Variants in RIF1 observed in about 807,000 individuals in gnomAD.
RIF1 encodes the protein telomere-associated protein RIF1.
RIF1 carries 45 observed loss-of-function variants against 247.1 expected under a neutral mutation model. The ratio of observed to expected loss-of-function variants is 0.18; its 90% CI spans 0.14 to 0.23. RIF1 has a LOEUF of 0.23. Among genes scored for constraint, RIF1 ranks in the 10% least tolerant of loss-of-function variants. The probability of loss-of-function intolerance (pLI) is 1.00; values close to 1 mark genes in which losing one functional copy is unlikely to be tolerated. For missense variants in RIF1, 2,967 were observed against 2,862.5 expected (o/e 1.04, Z -0.83); for synonymous variants, 1,087 against 978.8 (o/e 1.11, Z -2.06).
intron 9 of RIF1, chr2:151,489,893 A>G (rs1299841952): frequency 7.2e-6 from 8 of 1,110,744 alleles, no homozygotes; most frequent in Non-Finnish European, 1.1e-5. Flanking sequence ...AAAAACCGTA[A>G]TACCTAATAC....
Position 151,461,308 on chromosome 2 carries a change from T to A in RIF1, c.3227+19T>A. On this transcript the variant is annotated intron_variant, in intron 27 of 35. Coordinates refer to ENST00000444746, the MANE Select transcript of RIF1 (RefSeq NM_018151.5). ...CAAAGCGGTTTGTAGGCCTTTTATC[T>A]TGAGTTGGGTATTTGGTATTCAGGC... The A allele has an allele frequency of 6.2e-7, 1 of 1,607,710 alleles. No homozygotes were observed. The highest frequency in any genetic ancestry group is 1.7e-5 in the Admixed American group (1 of 59,196).
chr2:151,436,725 A>C, intron 11 of RIF1, 102 bp from the exon 12 acceptor site: 1 of 854,254 alleles, frequency 1.2e-6, no homozygotes, highest in Admixed American at 3.2e-5. Flanking sequence ...GAGACATTTA[A>C]ACTCTGTTTT....
chr2:151,529,146 G>A, the RIF1 span: 2 of 1,056,260 alleles, frequency 1.9e-6, no homozygotes, highest in Admixed American at 1.8e-5. Flanking sequence ...TGTAAAAAGA[G>A]GCCATGTGTC....
chr2:151,498,071 TG>T (rs2061513597), intron 10 of RIF1: 138 of 1,459,732 alleles, frequency 9.5e-5, no homozygotes, highest in Non-Finnish European at 1.2e-4. Context: ...CATGTTTGTT[TG>T]TAAATATCAG....
chr2:151,509,039 C>T (rs1437666052), downstream of RIF1, among the ~76,000 whole-genome samples: 2 of 152,132 alleles, frequency 1.3e-5, no homozygotes, highest in Non-Finnish European at 2.9e-5. Context: ...GGGCTGAGGG[C>T]TGAGGAATGA....
At chr2:151,417,965 CAT>C (rs1238675371) in intron 6 of RIF1, among the ~76,000 whole-genome samples, 10 of 152,004 alleles carry the variant, frequency 6.6e-5, no homozygotes, top group African/African-American at 2.2e-4. Context: ...TGTACCTAAA[CAT>C]AGAAAAGGTA....
the RIF1 span, chr2:151,529,404 T>C: frequency 2.4e-6 from 2 of 838,336 alleles, no homozygotes; most frequent in Non-Finnish European, 4.0e-6. Flanking sequence ...CATGCATGAC[T>C]ATAGTACACA....
chr2:151,418,968 CTTT>C (rs36020810), intron 6 of RIF1, among the ~76,000 whole-genome samples: 1,185 of 111,762 alleles, frequency 0.011, 5 homozygotes, highest in Middle Eastern at 0.025. Flanking sequence ...GCCTTAAATT[CTTT>C]TTTTTTTTTT....
chr2:151,513,687 A>G, the RIF1 span: 3 of 1,593,744 alleles, frequency 1.9e-6, no homozygotes, highest in East Asian at 2.2e-5. Flanking sequence ...TCTCGCTTAT[A>G]TTCTTTCTAT....
rs1056177808 is a variant in RIF1 at position 151,477,756 on chromosome 2, C to CT, written c.*2686dup. 1.2e-4 allele frequency: 18 copies of CT among 151,346 alleles called. No individual in the cohort carries two copies. The highest frequency in any genetic ancestry group is 3.7e-4 in the African/African-American group (15 of 41,074). The allele number at this position is 151,346 out of a possible 1,614,324, so 9.4% of individuals were successfully genotyped here. On this transcript the variant is annotated 3_prime_UTR_variant, in exon 36 of 36. Transcript: ENST00000444746. ...GGAGTTTTCGCCCTTGCTGCCCAGG[C>CT]TGGAGTGCAGTGGTACGATCTCAGC...
chr2:151,446,615 A>G (rs1693313039), intron 20 of RIF1, 40 bp downstream of exon 20: 1 of 1,587,086 alleles, frequency 6.3e-7, no homozygotes, highest in Non-Finnish European at 8.6e-7. Context: ...GTTTGTTTTT[A>G]AAGGATTCTT....
At chr2:151,442,290 T>C (rs1318984330) in intron 16 of RIF1, among the ~76,000 whole-genome samples, 1 of 151,368 alleles carries the variant, frequency 6.6e-6, no homozygotes, top group African/African-American at 2.4e-5. Flanking sequence ...GTCAGGCTGG[T>C]CTTGAACTCC....
At chr2:151,468,296 A>G in intron 31 of RIF1, 150 bp downstream of exon 31, 1 of 904,846 alleles carries the variant, frequency 1.1e-6, no homozygotes, top group Non-Finnish European at 1.7e-6. Flanking sequence ...GCAGAAAGGA[A>G]GAGAAGCAGA....
chr2:151,514,771 G>T, the RIF1 span: 2 of 1,263,784 alleles, frequency 1.6e-6, no homozygotes, highest in Non-Finnish European at 2.2e-6. Flanking sequence ...TGTCACTAGT[G>T]CAATTATTTG....
chr2:151,464,867 T>C lies in RIF1; in HGVS notation c.5347T>C (p.Ser1783Pro). 1.3e-6 allele frequency: 2 copies of C among 1,597,304 alleles called. No homozygotes were observed. The highest frequency in any genetic ancestry group is 1.7e-6 in the Non-Finnish European group (2 of 1,175,632). Residue 1783 changes from serine to proline, a missense_variant, in exon 30 of 36, where the codon TCT (serine) becomes CCT (proline). Around this residue, in one of 7 missense-constraint regions of RIF1, gnomAD observed 2,028 missense variants for 1,825.6 expected, o/e 1.11. Transcript: ENST00000444746. ...AGAAACTTCTCAAGCTAATCCATATTCTGAAGGACAATTTTTAGATGAACA... is the reference window on the plus strand; with the variant it reads ...AGAAACTTCTCAAGCTAATCCATATCCTGAAGGACAATTTTTAGATGAACA... ...PSETSQANPYSEGQFLDEHHS... is the reference protein window; with the variant it reads ...PSETSQANPYPEGQFLDEHHS...
At chr2:151,469,217 G>T (rs950978205) in intron 33 of RIF1, among the ~76,000 whole-genome samples, 1 of 152,074 alleles carries the variant, frequency 6.6e-6, no homozygotes, top group Non-Finnish European at 1.5e-5. Context: ...ACTTAAATGC[G>T]TGCATGTAGA....
At chr2:151,458,379 C>T (rs929046042) in intron 24 of RIF1, among the ~76,000 whole-genome samples, 2 of 151,546 alleles carry the variant, frequency 1.3e-5, no homozygotes, top group East Asian at 1.9e-4. Context: ...ACTGAAGGTG[C>T]GTGCCACCAT....
At chr2:151,498,233 A>ATTTT (rs1052587221) in intron 10 of RIF1, 1 of 1,550,762 alleles carries the variant, frequency 6.4e-7, no homozygotes, top group Non-Finnish European at 8.7e-7. Flanking sequence ...GTTAAGTGGC[A>ATTTT]TTTTTTCCCC....
intron 34 of RIF1, among the ~76,000 whole-genome samples, chr2:151,470,999 A>T (rs1230622818): frequency 2.0e-5 from 3 of 152,116 alleles, no homozygotes; most frequent in Admixed American, 6.6e-5. Context: ...GAGTTAAATA[A>T]TATTCCCCAT....
Sources: allele counts gnomAD v4.1 joint callset (sites outside exome capture counted in the v4.1 genomes callset), GRCh38; gene constraint gnomAD v4.1.1; regional missense constraint gnomAD v4.1.1; transcripts MANE v1.5; gene names NCBI Gene and HGNC (gene_info 2026-07-23, HGNC 2026-07-21).